ASPRV1: variants seen among roughly 807,000 people sequenced by gnomAD.
ASPRV1 encodes the protein retroviral-like aspartic protease 1.
In ASPRV1, 7 loss-of-function variants were observed where a neutral mutation model predicts 11.0. The observed-to-expected ratio is 0.64, with a 90% CI of 0.36 to 1.20. The LOEUF (loss-of-function observed/expected upper bound fraction) is 1.20. Among genes scored for constraint, ASPRV1 ranks in the 50% most tolerant of loss-of-function variants. The pLI, the probability that ASPRV1 is intolerant of heterozygous loss-of-function variation, is 0.02. For synonymous variants in ASPRV1, 136 were observed against 138.4 expected (o/e 0.98, Z 0.12); for missense variants, 299 against 320.0 (o/e 0.93, Z 0.50).
chr2:70,000,617 C>T, the ASPRV1 span: 3 of 151,048 alleles, frequency 2.0e-5, no homozygotes, highest in Admixed American at 2.0e-4. Context: ...CGGCAAAACC[C>T]TGTCTCTACT....
chr2:70,058,385 G>A, the ASPRV1 span, among the ~76,000 whole-genome samples: 1 of 152,068 alleles, frequency 6.6e-6, no homozygotes, highest in Non-Finnish European at 1.5e-5. Context: ...TGGGACTACA[G>A]GCACGCGCCA....
At chr2:70,079,844 T>C in the ASPRV1 span, among the ~76,000 whole-genome samples, 4 of 152,238 alleles carry the variant, frequency 2.6e-5, no homozygotes, top group African/African-American at 9.6e-5. Context: ...AGAAGGGTTC[T>C]ATTTAATTCA....
At chr2:70,029,846 G>A in the ASPRV1 span, among the ~76,000 whole-genome samples, 2 of 152,096 alleles carry the variant, frequency 1.3e-5, no homozygotes, top group Non-Finnish European at 2.9e-5. Context: ...AGGTCCTTGG[G>A]CCACAAATGG....
At chr2:69,952,586 GAAGAA>G in the ASPRV1 span, among the ~76,000 whole-genome samples, 80 of 151,632 alleles carry the variant, frequency 5.3e-4, no homozygotes, top group Admixed American at 1.3e-3. Context: ...AAAGGGAAGG[GAAGAA>G]AAGAAAAGAA....
rs1678041300 is a variant in ASPRV1, at chr2:69,960,436, C to T, written c.*221G>A. On this transcript the variant is annotated 3_prime_UTR_variant, in exon 1 of 1. Transcript: ENST00000320256. ...GCTTGATGACCATGGGGACCCTGTC[C>T]CTCTAAGCCAGCCTGCTCTCCCTCA... 3 of 539,232 alleles carry T rather than the reference C, an allele frequency of 5.6e-6. No individual in the cohort carries two copies. Among genetic ancestry groups the T allele is most frequent in the East Asian group, 5.8e-5 (2 of 34,546 alleles). The allele number at this position is 539,232 out of a possible 1,614,324, so 33.4% of individuals were successfully genotyped here.
chr2:70,008,158 T>C, the ASPRV1 span, among the ~76,000 whole-genome samples: 1 of 152,048 alleles, frequency 6.6e-6, no homozygotes, highest in African/African-American at 2.4e-5. Flanking sequence ...AATAATAATA[T>C]TCATCTTTTG....
chr2:69,956,137 C>T (rs1179319977), downstream of ASPRV1, among the ~76,000 whole-genome samples: 1 of 152,184 alleles, frequency 6.6e-6, no homozygotes, highest in African/African-American at 2.4e-5. Flanking sequence ...CAGTTTGAAG[C>T]TGTCCCCATG....
At chr2:70,078,195 C>T in the ASPRV1 span, among the ~76,000 whole-genome samples, 1 of 152,120 alleles carries the variant, frequency 6.6e-6, no homozygotes, top group Non-Finnish European at 1.5e-5. Context: ...TCATTCAGCT[C>T]CTATGTTACA....
the ASPRV1 span, among the ~76,000 whole-genome samples, chr2:69,983,184 G>A: frequency 6.6e-6 from 1 of 152,138 alleles, no homozygotes; most frequent in East Asian, 1.9e-4. Flanking sequence ...CTCCCAAAGT[G>A]CTGGGATTCC....
At chr2:70,042,153 T>A in the ASPRV1 span, among the ~76,000 whole-genome samples, 1 of 152,216 alleles carries the variant, frequency 6.6e-6, no homozygotes, top group African/African-American at 2.4e-5. Flanking sequence ...ATATTCTATT[T>A]CCCTTTTGGA....
chr2:69,945,121 C>T, the ASPRV1 span, among the ~76,000 whole-genome samples: 12 of 152,076 alleles, frequency 7.9e-5, no homozygotes, highest in African/African-American at 2.2e-4. Context: ...GTAGGCCTGT[C>T]GTCCCAGCTG....
At chr2:69,988,957 T>G in the ASPRV1 span, 3 of 317,090 alleles carry the variant, frequency 9.5e-6, no homozygotes, top group African/African-American at 6.5e-5. Context: ...AAATTTTATT[T>G]GACAAAAAGG....
chr2:69,980,691 T>G, the ASPRV1 span, among the ~76,000 whole-genome samples: 1 of 152,244 alleles, frequency 6.6e-6, no homozygotes, highest in Non-Finnish European at 1.5e-5. Flanking sequence ...GATAGGAACG[T>G]TAGAGGAAGC....
chr2:70,064,839 A>C, the ASPRV1 span, among the ~76,000 whole-genome samples: 1 of 152,248 alleles, frequency 6.6e-6, no homozygotes, highest in South Asian at 2.1e-4. Flanking sequence ...CACACCTGTA[A>C]TCCCAGCACT....
chr2:69,976,437 C>T, the ASPRV1 span: 1 of 152,256 alleles, frequency 6.6e-6, no homozygotes, highest in African/African-American at 2.4e-5. Context: ...GGAGTCACTT[C>T]CATAGCCCTT....
At chr2:70,057,813 T>C in the ASPRV1 span, among the ~76,000 whole-genome samples, 2 of 151,484 alleles carry the variant, frequency 1.3e-5, no homozygotes, top group East Asian at 1.9e-4. Context: ...TTTTTTTTTT[T>C]AGACAGAGTC....
chr2:69,990,414 C>A, the ASPRV1 span, among the ~76,000 whole-genome samples: 55 of 151,694 alleles, frequency 3.6e-4, 1 homozygote, highest in South Asian at 0.011. Flanking sequence ...GAACTCCTGA[C>A]CTCAAATGAT....
the ASPRV1 span, chr2:69,940,249 T>C: frequency 1.3e-5 from 2 of 152,126 alleles, no homozygotes. Context: ...TAAAGCCTGC[T>C]TCCTGGATTT....
At chr2:70,022,949 G>A in the ASPRV1 span, among the ~76,000 whole-genome samples, 2 of 152,172 alleles carry the variant, frequency 1.3e-5, no homozygotes, top group African/African-American at 4.8e-5. Context: ...TCTGCCTCCT[G>A]GTTTTTAGGC....
Sources: gnomAD v4.1 joint callset for allele counts (sites outside exome capture counted in the v4.1 genomes callset) on GRCh38, gnomAD v4.1.1 for gene constraint, MANE v1.5 for transcripts, NCBI Gene and HGNC (gene_info 2026-07-23, HGNC 2026-07-21) for gene names.